Variants in CCDC146 observed in about 807,000 individuals in gnomAD.
CCDC146 encodes the protein coiled-coil domain-containing protein 146.
In CCDC146, 92 loss-of-function variants were observed where a neutral mutation model predicts 119.3. That is an observed-to-expected ratio of 0.77 (90% CI 0.65 to 0.92). The LOEUF (loss-of-function observed/expected upper bound fraction) is 0.92, where lower values mean the gene tolerates loss of function less well. Among genes scored for constraint, CCDC146 ranks in the 40% least tolerant of loss-of-function variants. The pLI, the probability that CCDC146 is intolerant of heterozygous loss-of-function variation, is 0.00. For missense variants in CCDC146, 1,000 were observed against 1,103.0 expected, an observed-to-expected ratio of 0.91 and a Z score of 1.32; for synonymous variants, 372 against 371.8, an observed-to-expected ratio of 1.00 and a Z score of -0.01.
chr7:77,151,432 C>T (rs1468719854), intron 1 of CCDC146, among the ~76,000 whole-genome samples: 1 of 151,716 alleles, frequency 6.6e-6, no homozygotes, highest in African/African-American at 2.4e-5. Flanking sequence ...TAAAGGGGCA[C>T]AAAGAAATTT....
chr7:77,284,983 TG>T lies in CCDC146; in HGVS notation c.2149-1814del, dbSNP rs1486838626. Among the ~76,000 whole-genome samples the T allele has an allele frequency of 2.5e-4, 38 of 152,010 alleles. 2 individuals are homozygous for T. On this transcript the variant is annotated intron_variant, in intron 15 of 18. Transcript: ENST00000285871. ...TTTACAGCCACAGTGTCTTGGGGTT[TG>T]TTTTTTTTTTAAGTCTTCTCCCTTT...
intron 17 of CCDC146, among the ~76,000 whole-genome samples, chr7:77,291,493 T>A (rs1793942816): frequency 1.3e-5 from 2 of 150,436 alleles, no homozygotes; most frequent in Admixed American, 1.3e-4. Context: ...TTGCGTGAGC[T>A]CAGGAGTTCA....
intron 2 of CCDC146, among the ~76,000 whole-genome samples, chr7:77,185,756 AC>A (rs1791657975): frequency 1.3e-5 from 2 of 152,242 alleles, no homozygotes; most frequent in Non-Finnish European, 2.9e-5. Flanking sequence ...TAAATAAAGT[AC>A]CAGGGACCAA....
chr7:77,176,853 T>G (rs1396460353), intron 2 of CCDC146, among the ~76,000 whole-genome samples: 1 of 152,138 alleles, frequency 6.6e-6, no homozygotes, highest in African/African-American at 2.4e-5. Context: ...TAAATTTTTT[T>G]GATATAAGGT....
intron 2 of CCDC146, among the ~76,000 whole-genome samples, chr7:77,182,424 A>G (rs1287435618): frequency 6.6e-6 from 1 of 152,146 alleles, no homozygotes; most frequent in African/African-American, 2.4e-5. Context: ...TTGTTTTACC[A>G]TCTTATAAAA....
intron 2 of CCDC146, among the ~76,000 whole-genome samples, chr7:77,236,091 A>AAAT (rs1245729417): frequency 2.6e-5 from 4 of 152,012 alleles, no homozygotes; most frequent in Non-Finnish European, 5.9e-5. Context: ...ATAAATAAAT[A>AAAT]AATGTAAGAA....
intron 1 of CCDC146, among the ~76,000 whole-genome samples, 167 bp downstream of exon 1, chr7:77,122,899 T>A (rs1301264666): frequency 6.6e-6 from 1 of 151,968 alleles, no homozygotes; most frequent in East Asian, 1.9e-4. Context: ...GGGAATTGCC[T>A]CTTTGGAAGT....
chr7:77,181,179 A>C (rs1039325704), intron 2 of CCDC146, among the ~76,000 whole-genome samples: 1 of 152,130 alleles, frequency 6.6e-6, no homozygotes. Flanking sequence ...ACAGAGGGAG[A>C]GGGCTGAACT....
intron 2 of CCDC146, among the ~76,000 whole-genome samples, chr7:77,215,473 A>G (rs1035316944): frequency 6.6e-6 from 1 of 152,102 alleles, no homozygotes; most frequent in African/African-American, 2.4e-5. Context: ...TAAGTGGGAA[A>G]TGGTATTTAG....
At chr7:77,253,749 T>C (rs1793123732) in intron 4 of CCDC146, among the ~76,000 whole-genome samples, 2 of 152,192 alleles carry the variant, frequency 1.3e-5, no homozygotes, top group South Asian at 2.1e-4. Context: ...TTGAGGACTA[T>C]TGGTACTGTT....
At chr7:77,288,892 G>A (rs1015673838) in intron 17 of CCDC146, among the ~76,000 whole-genome samples, 3 of 152,222 alleles carry the variant, frequency 2.0e-5, no homozygotes, top group African/African-American at 7.2e-5. Context: ...CTTCAAGGAT[G>A]AGTAATCATC....
intron 2 of CCDC146, among the ~76,000 whole-genome samples, chr7:77,168,749 G>A (rs35936308): frequency 1.1e-3 from 165 of 152,156 alleles, no homozygotes; most frequent in South Asian, 2.1e-3. Context: ...AAGAATTTGC[G>A]TGTATCTTTA....
At chr7:77,262,330 T>G in intron 9 of CCDC146, 23 bp downstream of exon 9, 2 of 1,509,536 alleles carry the variant, frequency 1.3e-6, no homozygotes, top group Non-Finnish European at 1.8e-6. Context: ...AACTACCATC[T>G]GATTTTTAAG....
chr7:77,127,086 G>A (rs1233279651), intron 1 of CCDC146, among the ~76,000 whole-genome samples: 1 of 152,158 alleles, frequency 6.6e-6, no homozygotes, highest in Non-Finnish European at 1.5e-5. Context: ...GGGGCCTTCC[G>A]GGGCACCAGA....
At chr7:77,192,234 A>G (rs1206588376) in intron 2 of CCDC146, among the ~76,000 whole-genome samples, 1 of 152,198 alleles carries the variant, frequency 6.6e-6, no homozygotes, top group Non-Finnish European at 1.5e-5. Context: ...ATTTTTAAAT[A>G]TATATGTTCT....
At chr7:77,148,881 T>A (rs1362060911) in intron 1 of CCDC146, among the ~76,000 whole-genome samples, 1 of 151,986 alleles carries the variant, frequency 6.6e-6, no homozygotes, top group Non-Finnish European at 1.5e-5. Context: ...GAAGAATCAA[T>A]ACTGTGAAAA....
At chr7:77,216,074 C>G (rs1469493852) in intron 2 of CCDC146, among the ~76,000 whole-genome samples, 2 of 151,932 alleles carry the variant, frequency 1.3e-5, no homozygotes, top group Non-Finnish European at 2.9e-5. Context: ...TATAAATAGT[C>G]TTTTTTCAAT....
chr7:77,284,263 T>A (rs1247724653), intron 15 of CCDC146, among the ~76,000 whole-genome samples: 1 of 152,120 alleles, frequency 6.6e-6, no homozygotes. Flanking sequence ...ATATCCATAC[T>A]CTTCTTGGGG....
In CCDC146 at chr7:77,197,924, T is replaced by C. The variant is rs557910361; in HGVS notation, c.156+30100T>C. On this transcript the variant is annotated intron_variant, in intron 2 of 18. Coordinates refer to ENST00000285871, the MANE Select transcript of CCDC146 (RefSeq NM_020879.3). ...CAGACAGATATTTACTCCCAGATAG[T>C]TTTTATTAAAATGTGTGACAAATAA... is the stretch of plus-strand genomic sequence containing the variant. Among the ~76,000 whole-genome samples, 3 of 152,298 alleles carry C rather than the reference T, an allele frequency of 2.0e-5. No individual in the cohort carries two copies. The East Asian group carries it at 5.8e-4, about 29-fold the overall frequency.
Sources: allele counts gnomAD v4.1 joint callset (sites outside exome capture counted in the v4.1 genomes callset), GRCh38; gene constraint gnomAD v4.1.1; transcripts MANE v1.5; gene names NCBI Gene and HGNC (gene_info 2026-07-23, HGNC 2026-07-21).